The following DCDC1 variants were observed in gnomAD, a reference collection of about 807,000 sequenced individuals.
The protein encoded by DCDC1 is doublecortin domain-containing protein 1.
DCDC1 carries 200 observed loss-of-function variants against 178.3 expected under a neutral mutation model. The ratio of observed to expected loss-of-function variants is 1.12; its 90% CI spans 1.00 to 1.26. DCDC1 has a LOEUF of 1.26. DCDC1 is among the 50% of genes most tolerant of loss of function. The probability of loss-of-function intolerance (pLI) is 0.00; values close to 1 mark genes in which losing one functional copy is unlikely to be tolerated. For synonymous variants in DCDC1, 690 were observed against 604.8 expected (o/e 1.14, Z -2.07); for missense variants, 1,983 against 1,749.2 (o/e 1.13, Z -2.38).
intron 9 of DCDC1, among the ~76,000 whole-genome samples, chr11:31,173,672 T>C (rs985714829): frequency 6.6e-6 from 1 of 152,080 alleles, no homozygotes; most frequent in Non-Finnish European, 1.5e-5. Context: ...CCATTAACCT[T>C]GTTCAAAATA....
At chr11:30,935,675 T>C (rs1330208415) in intron 21 of DCDC1, among the ~76,000 whole-genome samples, 1 of 151,992 alleles carries the variant, frequency 6.6e-6, no homozygotes, top group Non-Finnish European at 1.5e-5. Flanking sequence ...TGCCTCAGCC[T>C]CCTGAGTAGC....
At chr11:31,060,113 T>TA in intron 20 of DCDC1, among the ~76,000 whole-genome samples, 1 of 152,152 alleles carries the variant, frequency 6.6e-6, no homozygotes, top group Non-Finnish European at 1.5e-5. Flanking sequence ...AAAAAGGGCC[T>TA]TATAAAAATT....
rs567187256 is a variant in DCDC1, at chr11:30,965,596, T to C, written c.2592-13028A>G. ...TATTGTTTTTTGTTTGTTTGTTTTG[T>C]TTTTTTAATTTTTTTTTATTATACT... On this transcript the variant is annotated intron_variant, in intron 20 of 38. Coordinates refer to ENST00000684477, the MANE Select transcript of DCDC1 (RefSeq NM_001387274.1). 3.1e-3 allele frequency among the ~76,000 whole-genome samples: 338 copies of C among 108,204 alleles called. 1 individual carries two copies. Among genetic ancestry groups the C allele is most frequent in the African/African-American group, 9.9e-3 (325 of 32,816 alleles). The allele number at this position is 108,204 out of a possible 152,430, so 71.0% of individuals were successfully genotyped here.
intron 9 of DCDC1, among the ~76,000 whole-genome samples, chr11:31,181,482 G>C (rs942373653): frequency 1.3e-5 from 2 of 152,198 alleles, no homozygotes; most frequent in African/African-American, 4.8e-5. Flanking sequence ...CTGGCATCTG[G>C]TGGGTGCCCC....
At chr11:31,022,211 A>AT (rs1952919606) in intron 20 of DCDC1, among the ~76,000 whole-genome samples, 1 of 152,184 alleles carries the variant, frequency 6.6e-6, no homozygotes, top group East Asian at 1.9e-4. Flanking sequence ...TCTGAAACCT[A>AT]TAAGAGAGAA....
intron 9 of DCDC1, among the ~76,000 whole-genome samples, chr11:31,141,941 A>G (rs994858743): frequency 1.3e-5 from 2 of 152,250 alleles, no homozygotes; most frequent in African/African-American, 4.8e-5. Context: ...AGCTCCGTAT[A>G]TAAACAAGTC....
intron 1 of DCDC1, among the ~76,000 whole-genome samples, chr11:31,353,287 A>G (rs1249005969): frequency 1.3e-5 from 2 of 152,208 alleles, no homozygotes. Flanking sequence ...ACCTTTTTCT[A>G]TATCTGAGCT....
chr11:31,055,837 T>TG (rs1426840252), intron 20 of DCDC1, among the ~76,000 whole-genome samples: 1 of 152,072 alleles, frequency 6.6e-6, no homozygotes, highest in Non-Finnish European at 1.5e-5. Flanking sequence ...CAATGGACTT[T>TG]GGGTACTTGG....
At chr11:31,245,616 C>G (rs1432545297) in intron 8 of DCDC1, among the ~76,000 whole-genome samples, 1 of 151,612 alleles carries the variant, frequency 6.6e-6, no homozygotes, top group South Asian at 2.1e-4. Flanking sequence ...GGGAAGGAAG[C>G]ATTAACTAGA....
intron 17 of DCDC1, among the ~76,000 whole-genome samples, chr11:31,086,231 T>C (rs1957466266): frequency 6.6e-6 from 1 of 152,186 alleles, no homozygotes; most frequent in East Asian, 1.9e-4. Flanking sequence ...AGAGTTCTAG[T>C]TGTACCACAT....
chr11:30,977,727 C>T (rs1025263619), intron 20 of DCDC1, among the ~76,000 whole-genome samples: 12 of 152,036 alleles, frequency 7.9e-5, no homozygotes, highest in African/African-American at 1.9e-4. Context: ...CTCAGGTGTT[C>T]GAGACCAGCA....
Position 30,878,607 on chromosome 11 carries a change from A to G in DCDC1, c.5338T>C (p.Ser1780Pro). The change falls in exon 38 of 39, where the codon TCT (serine) becomes CCT (proline). Residue 1780 changes from serine to proline, a missense_variant. Transcript: ENST00000684477. Reference protein sequence around the residue: ...IVVSPSTKLLSLAHLHN With the variant: ...IVVSPSTKLLPLAHLHN ...AGTTAATTGTGGAGATGTGCCAGAG[A>G]CAGCAGCTTCGTGGATGGTGACACC... 1 of 1,607,220 alleles carries G rather than the reference A, an allele frequency of 6.2e-7. No individual in the cohort carries two copies.
intron 9 of DCDC1, among the ~76,000 whole-genome samples, chr11:31,203,339 A>G (rs1197053725): frequency 6.6e-6 from 1 of 152,218 alleles, no homozygotes; most frequent in Non-Finnish European, 1.5e-5. Context: ...AAAGAAAAAT[A>G]TAGTATCCAG....
At chr11:31,231,250 C>T (rs977097615) in intron 9 of DCDC1, among the ~76,000 whole-genome samples, 1 of 152,106 alleles carries the variant, frequency 6.6e-6, no homozygotes, top group Non-Finnish European at 1.5e-5. Context: ...AGAAAGCTTA[C>T]ATCCTTCCTT....
intron 20 of DCDC1, among the ~76,000 whole-genome samples, chr11:31,028,128 A>C (rs545227745): frequency 6.6e-6 from 1 of 152,062 alleles, no homozygotes; most frequent in African/African-American, 2.4e-5. Context: ...GCTATAAATA[A>C]CATATAATAA....
intron 15 of DCDC1, among the ~76,000 whole-genome samples, chr11:31,101,310 T>G (rs1958487149): frequency 6.6e-6 from 1 of 151,846 alleles, no homozygotes; most frequent in African/African-American, 2.4e-5. Context: ...AAAAACAAAA[T>G]AAGTATTCCT....
intron 7 of DCDC1, among the ~76,000 whole-genome samples, chr11:31,268,956 T>G (rs1486418802): frequency 6.6e-6 from 1 of 152,228 alleles, no homozygotes; most frequent in East Asian, 1.9e-4. Context: ...CCCTTTTCAT[T>G]GAGCTAAAAC....
chr11:31,064,996 T>C (rs777598163), intron 19 of DCDC1, 23 bp downstream of exon 19: 7 of 718,036 alleles, frequency 9.7e-6, no homozygotes, highest in African/African-American at 1.8e-5. Flanking sequence ...ATTTCTGTCT[T>C]GCCTCTGGCT....
intron 12 of DCDC1, among the ~76,000 whole-genome samples, chr11:31,107,964 T>C (rs1958961653): frequency 6.6e-6 from 1 of 152,208 alleles, no homozygotes; most frequent in Non-Finnish European, 1.5e-5. Flanking sequence ...TTCTTTTCTT[T>C]TCTTTTTTGC....
Sources: gnomAD v4.1 joint callset for allele counts (sites outside exome capture counted in the v4.1 genomes callset) on GRCh38, gnomAD v4.1.1 for gene constraint, MANE v1.5 for transcripts, NCBI Gene and HGNC (gene_info 2026-07-23, HGNC 2026-07-21) for gene names.